Variants in ACER2 observed in about 807,000 individuals in gnomAD.
ACER2 encodes the protein alkCDase 2.
In ACER2, 26 loss-of-function variants were observed where a neutral mutation model predicts 34.7. The observed-to-expected ratio is 0.75, with a 90% CI of 0.55 to 1.04. The LOEUF is 1.04. Ranked by LOEUF, ACER2 falls within the 50% of genes least tolerant of loss-of-function variation. The pLI is 0.00. For synonymous variants in ACER2, 138 were observed against 132.1 expected (o/e 1.04, Z -0.31); for missense variants, 352 against 340.8 (o/e 1.03, Z -0.26).
In ACER2 at chr9:19,450,708, C is replaced by G. The variant is rs1019348949; in HGVS notation, c.*72C>G. On this transcript the variant is annotated 3_prime_UTR_variant, in exon 6 of 6. Coordinates refer to ENST00000340967, the MANE Select transcript of ACER2 (RefSeq NM_001010887.3). ...GGGCTTCCTTTGCTAGGAAGACAGC[C>G]AAGGGAGTTCGAATAGTTGGGGTGT... is the stretch of plus-strand genomic sequence containing the variant. 3 of 1,391,678 alleles carry G rather than the reference C, an allele frequency of 2.2e-6. No homozygotes were observed. The African/African-American group carries it at 4.3e-5, about 20-fold the overall frequency. The allele number at this position is 1,391,678 out of a possible 1,614,324, so 86.2% of individuals were successfully genotyped here.
chr9:19,424,018 G>T, intron 2 of ACER2, 42 bp downstream of exon 2: 3 of 1,438,930 alleles, frequency 2.1e-6, no homozygotes, highest in South Asian at 1.1e-5. Context: ...ATGGGGTGGT[G>T]GGATGGGGGT....
At position 19,446,314 on chromosome 9, in the gene ACER2, C is replaced by G. The variant is rs1377030328; in HGVS notation, c.537C>G (p.Leu179=). Residue 179 remains leucine, a synonymous_variant, in exon 5 of 6, where the codon CTC becomes CTG. Coordinates refer to ENST00000340967, the MANE Select transcript of ACER2 (RefSeq NM_001010887.3). The part of the protein sequence containing the change: ...CDNMRVFKLG[L]FSGLWWTLAL... ...ACATGCGTGTGTTTAAGCTGGGCCT[C>G]TTCTCGGGCCTCTGGTGGACCCTGG... 6.2e-7 allele frequency: 1 copy of G among 1,614,186 alleles called. No homozygotes were observed. The highest frequency in any genetic ancestry group is 1.7e-5 in the Admixed American group (1 of 60,024).
At chr9:19,432,009 C>G (rs1467573263) in intron 3 of ACER2, among the ~76,000 whole-genome samples, 1 of 152,108 alleles carries the variant, frequency 6.6e-6, no homozygotes, top group Admixed American at 6.5e-5. Context: ...TGAATGAGGC[C>G]TTGGAAATCA....
chr9:19,420,144 C>G (rs1589038444), intron 1 of ACER2, among the ~76,000 whole-genome samples: 1 of 152,182 alleles, frequency 6.6e-6, no homozygotes, highest in East Asian at 1.9e-4. Flanking sequence ...TGGCCCTGCT[C>G]ACTTCAGTTC....
chr9:19,410,321 G>A (rs547644778), intron 1 of ACER2, among the ~76,000 whole-genome samples: 1 of 152,330 alleles, frequency 6.6e-6, no homozygotes, highest in South Asian at 2.1e-4. Flanking sequence ...CCACAATCCA[G>A]AAGTCTGGGC....
At position 19,442,424 on chromosome 9, in the gene ACER2, A is replaced by G. The variant is rs564853914; in HGVS notation, c.504-3857A>G. Among the ~76,000 whole-genome samples, 10 of 152,348 alleles carry G rather than the reference A, an allele frequency of 6.6e-5. No individual in the cohort carries two copies. In the East Asian group the frequency reaches 1.9e-3, roughly 29 times the overall value. ...AGCTTTGGACAAGCCCCGAGTGCAA[A>G]TAAGGCTGGTCAGCAGCTTCTAGCA... On this transcript the variant is annotated intron_variant, in intron 4 of 5. Transcript: ENST00000340967.
intron 1 of ACER2, among the ~76,000 whole-genome samples, chr9:19,410,388 C>T (rs1475115119): frequency 2.0e-5 from 3 of 152,154 alleles, no homozygotes; most frequent in Non-Finnish European, 2.9e-5. Flanking sequence ...CACTCCTGCT[C>T]CTTTTTTTAT....
intron 4 of ACER2, among the ~76,000 whole-genome samples, chr9:19,437,572 T>G (rs1831017044): frequency 1.3e-5 from 2 of 152,196 alleles, no homozygotes. Context: ...ACAAAAACCT[T>G]CAGTGGCGCC....
chr9:19,444,278 C>T (rs1457149129), intron 4 of ACER2, among the ~76,000 whole-genome samples: 1 of 149,026 alleles, frequency 6.7e-6, no homozygotes, highest in African/African-American at 2.5e-5. Context: ...GTGGCGCGAT[C>T]TCGGCTCACT....
intron 3 of ACER2, among the ~76,000 whole-genome samples, chr9:19,433,973 G>A (rs564157245): frequency 2.8e-4 from 43 of 151,502 alleles, no homozygotes; most frequent in African/African-American, 9.0e-4. Context: ...CCTCCCTCCC[G>A]GACGGGGTGG....
intron 5 of ACER2, among the ~76,000 whole-genome samples, chr9:19,449,555 AG>A (rs1831488473): frequency 6.6e-6 from 1 of 152,218 alleles, no homozygotes; most frequent in South Asian, 2.1e-4. Context: ...ATTTTTAAAA[AG>A]ATCCCCTCCT....
chr9:19,423,714 GAAAAGA>G, intron 1 of ACER2, 142 bp from the exon 2 acceptor site: 1 of 623,496 alleles, frequency 1.6e-6, no homozygotes, highest in East Asian at 2.9e-5. Context: ...ATCTCAAAGA[GAAAAGA>G]AAAAGAAAAA....
intron 1 of ACER2, among the ~76,000 whole-genome samples, chr9:19,421,857 A>T (rs1386996300): frequency 6.6e-6 from 1 of 152,172 alleles, no homozygotes; most frequent in Non-Finnish European, 1.5e-5. Flanking sequence ...AAAATTAGGG[A>T]TGAGTTTCCA....
At position 19,424,898 on chromosome 9, in the gene ACER2, A is replaced by G; in HGVS notation, c.365+57A>G. The G allele has an allele frequency of 3.1e-6, 5 of 1,596,928 alleles. No homozygotes were observed. The South Asian group carries it at 5.6e-5, about 18-fold the overall frequency. On this transcript the variant is annotated intron_variant, in intron 3 of 5. Coordinates refer to ENST00000340967, the MANE Select transcript of ACER2 (RefSeq NM_001010887.3). ...CACTAGGTGCAGTACCCAATATAAC[A>G]ATGTATATATGAAGAAAAATAGCAC...
intron 1 of ACER2, chr9:19,409,827 C>G: frequency 2.0e-6 from 2 of 985,370 alleles, no homozygotes; most frequent in Non-Finnish European, 2.4e-6. Context: ...GTGCTTTCTC[C>G]AGTTCTGAAG....
chr9:19,429,120 T>C (rs940162006), intron 3 of ACER2, among the ~76,000 whole-genome samples: 1 of 151,976 alleles, frequency 6.6e-6, no homozygotes, highest in Non-Finnish European at 1.5e-5. Context: ...TAGTTGTACA[T>C]ATTTTATGTA....
In ACER2 at chr9:19,450,765, G is replaced by T. The variant is rs1434226669; in HGVS notation, c.*129G>T. On this transcript the variant is annotated 3_prime_UTR_variant, in exon 6 of 6. Coordinates refer to ENST00000340967, the MANE Select transcript of ACER2 (RefSeq NM_001010887.3). ...TCTTTTCAAAAATCTATTTGCTGGG[G>T]CTCTTAATTTCTTTAGTGTTCTTTG... 3 of 893,348 alleles carry T rather than the reference G, an allele frequency of 3.4e-6. No homozygotes were observed. The highest frequency in any genetic ancestry group is 4.7e-6 in the Non-Finnish European group (3 of 632,904). The allele number at this position is 893,348 out of a possible 1,614,324, so 55.3% of individuals were successfully genotyped here.
At chr9:19,426,108 T>C (rs1354647529) in intron 3 of ACER2, among the ~76,000 whole-genome samples, 1 of 152,148 alleles carries the variant, frequency 6.6e-6, no homozygotes, top group Non-Finnish European at 1.5e-5. Flanking sequence ...GTTTTTGTAT[T>C]AGCACAAAAA....
At chr9:19,447,913 A>G (rs1465014594) in intron 5 of ACER2, among the ~76,000 whole-genome samples, 2 of 151,506 alleles carry the variant, frequency 1.3e-5, no homozygotes, top group Non-Finnish European at 2.9e-5. Context: ...AGTCTGATGT[A>G]TATCCATTGA....
Sources: gnomAD v4.1 joint callset for allele counts (sites outside exome capture counted in the v4.1 genomes callset) on GRCh38, gnomAD v4.1.1 for gene constraint, MANE v1.5 for transcripts, NCBI Gene and HGNC (gene_info 2026-07-23, HGNC 2026-07-21) for gene names.